The following ATL1 variants were observed in gnomAD, a reference collection of about 807,000 sequenced individuals.
ATL1 encodes the protein atlastin-1.
In ATL1, 31 loss-of-function variants were observed where a neutral mutation model predicts 75.5. The ratio of observed to expected loss-of-function variants is 0.41; its 90% CI spans 0.31 to 0.55. The LOEUF (loss-of-function observed/expected upper bound fraction) is 0.55, where lower values mean the gene tolerates loss of function less well. Ranked by LOEUF, ATL1 falls within the 20% of genes least tolerant of loss-of-function variation. The pLI is 0.27. For missense variants in ATL1, 405 were observed against 662.6 expected (o/e 0.61, Z 4.27); for synonymous variants, 226 against 233.3 (o/e 0.97, Z 0.28).
intron 1 of ATL1, among the ~76,000 whole-genome samples, chr14:50,586,414 A>C (rs953801553): frequency 2.0e-5 from 3 of 152,098 alleles, no homozygotes; most frequent in African/African-American, 4.8e-5. Flanking sequence ...CATAATTCAG[A>C]GAAAAGGGGC....
rs577531263 is a variant in ATL1, at chr14:50,595,402, C to T, written c.574-174C>T. Among the ~76,000 whole-genome samples the T allele has an allele frequency of 4.8e-4, 73 of 152,134 alleles. 2 individuals are homozygous for T. The South Asian group carries it at 0.014, about 29-fold the overall frequency. On this transcript the variant is annotated intron_variant, in intron 5 of 13. Coordinates refer to ENST00000358385, the MANE Select transcript of ATL1 (RefSeq NM_015915.5). ...TTGCCATGGCTCTGCTTTACCTATCCAATGCTTATTTCCTAAAAATGATTA... is the reference window on the plus strand; with the variant it reads ...TTGCCATGGCTCTGCTTTACCTATCTAATGCTTATTTCCTAAAAATGATTA...
intron 1 of ATL1, among the ~76,000 whole-genome samples, chr14:50,563,479 AT>A (rs1431647890): frequency 6.6e-6 from 1 of 152,182 alleles, no homozygotes; most frequent in Non-Finnish European, 1.5e-5. Context: ...CTAAGTAAGT[AT>A]TTTTCAGACA....
At chr14:50,594,017 T>C in intron 5 of ATL1, 121 bp downstream of exon 5, 2 of 771,128 alleles carry the variant, frequency 2.6e-6, no homozygotes, top group South Asian at 1.5e-5. Flanking sequence ...ACAGGAACTA[T>C]TGGCCCAATT....
chr14:50,544,335 T>C (rs886350881), intron 1 of ATL1, among the ~76,000 whole-genome samples: 8 of 152,200 alleles, frequency 5.3e-5, no homozygotes, highest in Admixed American at 2.0e-4. Flanking sequence ...ACCACAATTT[T>C]GTTGACCTCT....
At chr14:50,631,854 T>C (rs930918461) in intron 13 of ATL1, among the ~76,000 whole-genome samples, 7 of 152,196 alleles carry the variant, frequency 4.6e-5, no homozygotes, top group African/African-American at 1.7e-4. Context: ...AGCCTAGCTA[T>C]GCATAATAGT....
At chr14:50,613,455 A>C in intron 7 of ATL1, 104 bp downstream of exon 7, 709 of 804,164 alleles carry the variant, frequency 8.8e-4, no homozygotes, top group East Asian at 1.4e-3. Flanking sequence ...CCGCAATCTC[A>C]TTTGTTATCG....
At chr14:50,598,812 G>A (rs75489777) in intron 6 of ATL1, among the ~76,000 whole-genome samples, 3,409 of 152,272 alleles carry the variant, frequency 0.022, 105 homozygotes, top group African/African-American at 0.077. Flanking sequence ...ATATATGGGA[G>A]CCTGGTAGTC....
At chr14:50,621,310 A>C (rs1005603846) in intron 9 of ATL1, among the ~76,000 whole-genome samples, 3 of 152,240 alleles carry the variant, frequency 2.0e-5, no homozygotes, top group Non-Finnish European at 2.9e-5. Flanking sequence ...AAGGACTAAA[A>C]TATCAATTTT....
At chr14:50,624,813 T>C (rs1379759875) in intron 11 of ATL1, among the ~76,000 whole-genome samples, 2 of 152,018 alleles carry the variant, frequency 1.3e-5, no homozygotes, top group Non-Finnish European at 2.9e-5. Context: ...CTTACACCTG[T>C]AATCCCAGCA....
chr14:50,617,099 A>G lies in ATL1; in HGVS notation c.862+2588A>G, dbSNP rs530376480. ...GAAATAACTTTCTAGCTCATTATCAATAGTAACCATTGTTATAATAACTAT... is the reference window on the plus strand; with the variant it reads ...GAAATAACTTTCTAGCTCATTATCAGTAGTAACCATTGTTATAATAACTAT... On this transcript the variant is annotated intron_variant, in intron 8 of 13. Coordinates refer to ENST00000358385, the MANE Select transcript of ATL1 (RefSeq NM_015915.5). Among the ~76,000 whole-genome samples the G allele has an allele frequency of 1.6e-4, 24 of 152,346 alleles. No homozygotes were observed. The South Asian group carries it at 4.1e-3, about 26-fold the overall frequency.
chr14:50,589,434 A>G (rs763858325), intron 2 of ATL1, among the ~76,000 whole-genome samples: 4 of 152,156 alleles, frequency 2.6e-5, no homozygotes, highest in Non-Finnish European at 5.9e-5. Context: ...CTGAGATTAC[A>G]GACATGAGCC....
rs114121796 is a variant in ATL1 at position 50,604,902 on chromosome 14, G to A, written c.631-8357G>A. Among the ~76,000 whole-genome samples, 377 of 152,120 alleles carry A rather than the reference G, an allele frequency of 2.5e-3. 2 individuals carry two copies. The highest frequency in any genetic ancestry group is 8.5e-3 in the African/African-American group (355 of 41,528). On this transcript the variant is annotated intron_variant, in intron 6 of 13. Coordinates refer to ENST00000358385, the MANE Select transcript of ATL1 (RefSeq NM_015915.5). ...TGTATATGGTACCATCAAATTTAAA[G>A]GTGATCCTAGAGCATGGTCTGTAGA... is the stretch of plus-strand genomic sequence containing the variant.
intron 8 of ATL1, 74 bp downstream of exon 8, chr14:50,614,585 A>C (rs2039397178): frequency 2.0e-6 from 3 of 1,506,458 alleles, no homozygotes; most frequent in East Asian, 4.7e-5. Context: ...TATTGGGCTT[A>C]TGGCTGATAG....
intron 1 of ATL1, among the ~76,000 whole-genome samples, chr14:50,564,361 C>G (rs540708115): frequency 6.6e-6 from 1 of 151,950 alleles, no homozygotes; most frequent in Non-Finnish European, 1.5e-5. Context: ...AAATAGTATT[C>G]GCACTAGGCT....
chr14:50,612,637 A>G (rs2039376507), intron 6 of ATL1, among the ~76,000 whole-genome samples: 1 of 152,158 alleles, frequency 6.6e-6, no homozygotes, highest in Non-Finnish European at 1.5e-5. Context: ...TCTACTTTTT[A>G]TAAAACTGTT....
intron 6 of ATL1, among the ~76,000 whole-genome samples, chr14:50,599,358 C>T (rs1474386861): frequency 6.6e-6 from 1 of 152,086 alleles, no homozygotes; most frequent in East Asian, 1.9e-4. Context: ...ATTAAAACAA[C>T]AATGAAATAC....
At chr14:50,569,792 T>G (rs2038938147) in intron 1 of ATL1, among the ~76,000 whole-genome samples, 1 of 152,170 alleles carries the variant, frequency 6.6e-6, no homozygotes, top group Admixed American at 6.5e-5. Flanking sequence ...TATTCCTCAT[T>G]TTTGAGGGAC....
chr14:50,627,420 A>G (rs2039532136), intron 11 of ATL1, among the ~76,000 whole-genome samples: 1 of 152,254 alleles, frequency 6.6e-6, no homozygotes, highest in Admixed American at 6.5e-5. Flanking sequence ...GCCTGTAACC[A>G]AAGTGAATGG....
intron 1 of ATL1, among the ~76,000 whole-genome samples, chr14:50,567,313 C>A (rs1285388824): frequency 6.6e-6 from 1 of 152,084 alleles, no homozygotes; most frequent in Admixed American, 6.6e-5. Context: ...TTTTTTAAGG[C>A]TGAATAGCAT....
Sources: allele counts gnomAD v4.1 joint callset (sites outside exome capture counted in the v4.1 genomes callset), GRCh38; gene constraint gnomAD v4.1.1; transcripts MANE v1.5; gene names NCBI Gene and HGNC (gene_info 2026-07-23, HGNC 2026-07-21).